The following P4HA3 variants were observed in gnomAD, a reference collection of about 807,000 sequenced individuals.
P4HA3 encodes the protein prolyl 4-hydroxylase subunit alpha 3, also known as prolyl 4-hydroxylase subunit alpha-3.
A neutral mutation model predicts 66.7 loss-of-function variants in P4HA3; 60 were observed. That is an observed-to-expected ratio of 0.90 (90% confidence interval 0.73 to 1.12). The LOEUF is 1.12. P4HA3 is among the 50% of genes most tolerant of loss of function. P4HA3 has a pLI of 0.00. For missense variants in P4HA3, 683 were observed against 685.8 expected (o/e 1.00, Z 0.05); for synonymous variants, 263 against 274.6 (o/e 0.96, Z 0.42).
chr11:74,309,957 G>A (rs912373368), intron 1 of P4HA3, among the ~76,000 whole-genome samples: 1 of 152,150 alleles, frequency 6.6e-6, no homozygotes, highest in African/African-American at 2.4e-5. Context: ...CAATGGGTTT[G>A]GGGGTCACAC....
At chr11:74,263,371 G>C (rs1344997560), downstream of P4HA3, among the ~76,000 whole-genome samples, 2 of 152,224 alleles carry the variant, frequency 1.3e-5, no homozygotes, top group African/African-American at 2.4e-5. Flanking sequence ...TCAATACCTG[G>C]GAAAATGTTG....
chr11:74,306,598 G>A (rs1265226346), intron 1 of P4HA3, among the ~76,000 whole-genome samples: 1 of 152,158 alleles, frequency 6.6e-6, no homozygotes, highest in African/African-American at 2.4e-5. Flanking sequence ...GGCAAGAGTG[G>A]GCGACTTCTG....
chr11:74,268,301 C>T, intron 11 of P4HA3, 60 bp from the exon 12 acceptor site: 1 of 1,373,042 alleles, frequency 7.3e-7, no homozygotes. Flanking sequence ...CCTCGGGAAG[C>T]ACATACTAAG....
intron 4 of P4HA3, 74 bp from the exon 5 acceptor site, chr11:74,289,204 T>TAAA (rs11419151): frequency 1.7e-4 from 148 of 875,398 alleles, no homozygotes; most frequent in South Asian, 4.8e-4. Context: ...ACCATTAAAT[T>TAAA]AAAAAAAAAA....
chr11:74,310,785 A>G (rs1258917222), intron 1 of P4HA3, among the ~76,000 whole-genome samples: 1 of 152,224 alleles, frequency 6.6e-6, no homozygotes, highest in Admixed American at 6.5e-5. Context: ...TGTCGTGCCC[A>G]TCCAGTCCCA....
intron 4 of P4HA3, among the ~76,000 whole-genome samples, chr11:74,295,684 CAT>C (rs1408670540): frequency 1.3e-5 from 2 of 152,168 alleles, no homozygotes; most frequent in Non-Finnish European, 2.9e-5. Context: ...GATGTCATCA[CAT>C]AGTCTTCACA....
chr11:74,285,191 G>C (rs2134762507), intron 7 of P4HA3, among the ~76,000 whole-genome samples: 1 of 152,088 alleles, frequency 6.6e-6, no homozygotes, highest in African/African-American at 2.4e-5. Context: ...TGAAACCACA[G>C]AAAGTAAAAT....
At chr11:74,268,856 G>A (rs546952363) in intron 11 of P4HA3, among the ~76,000 whole-genome samples, 44 of 152,240 alleles carry the variant, frequency 2.9e-4, no homozygotes, top group Admixed American at 7.8e-4. Context: ...CTTCTTTGCC[G>A]TATCTACTTC....
intron 3 of P4HA3, among the ~76,000 whole-genome samples, chr11:74,300,608 T>G (rs1861376953): frequency 6.6e-6 from 1 of 152,154 alleles, no homozygotes; most frequent in Admixed American, 6.5e-5. Flanking sequence ...TGCACTTACT[T>G]GGATGGCAGA....
chr11:74,273,612 GAAA>G lies in P4HA3; in HGVS notation c.1336-8_1336-6del. ...GTAGAGGGGGCTGCTTGGTGACTGA[GAAA>G]AAAAAAAACAGAACATATTATTTTA... On this transcript the variant is annotated splice_region_variant and splice_polypyrimidine_tract_variant and intron_variant, in intron 9 of 12. Coordinates refer to ENST00000331597, the MANE Select transcript of P4HA3 (RefSeq NM_182904.5). 1 of 1,272,856 alleles carries G rather than the reference GAAA, an allele frequency of 7.9e-7. No individual in the cohort carries two copies. Among genetic ancestry groups the G allele is most frequent in the Non-Finnish European group, 1.1e-6 (1 of 950,286 alleles). The allele number at this position is 1,272,856 out of a possible 1,614,324, so 78.8% of individuals were successfully genotyped here. A position where few individuals can be genotyped will look rare whatever the true frequency, so the allele number is the denominator to read the frequency against.
At chr11:74,273,001 T>C (rs1476814261) in intron 10 of P4HA3, among the ~76,000 whole-genome samples, 1 of 151,850 alleles carries the variant, frequency 6.6e-6, no homozygotes, top group Non-Finnish European at 1.5e-5. Flanking sequence ...GAAAGGGGAG[T>C]CATGGAGATT....
At chr11:74,278,684 T>G (rs2134745528) in intron 8 of P4HA3, among the ~76,000 whole-genome samples, 1 of 152,280 alleles carries the variant, frequency 6.6e-6, no homozygotes, top group East Asian at 1.9e-4. Context: ...ATAGGGACCT[T>G]CCATAGGTTA....
intron 14 of P4HA3, among the ~76,000 whole-genome samples, chr11:74,261,063 G>A (rs560220673): frequency 1.1e-4 from 16 of 152,260 alleles, no homozygotes; most frequent in Admixed American, 5.9e-4. Context: ...GCTTGTACCC[G>A]CATTCAGGGG....
At chr11:74,298,065 G>A in intron 4 of P4HA3, 147 bp downstream of exon 4, 1 of 936,904 alleles carries the variant, frequency 1.1e-6, no homozygotes, top group Non-Finnish European at 1.5e-6. Context: ...ATATGGAAAT[G>A]ATAAAATAAC....
chr11:74,283,898 T>C (rs958408463), intron 7 of P4HA3, among the ~76,000 whole-genome samples: 9 of 151,496 alleles, frequency 5.9e-5, no homozygotes, highest in Non-Finnish European at 1.2e-4. Context: ...CACAACTCTC[T>C]GCCCACACCT....
At chr11:74,264,555 G>A (rs1859959355), downstream of P4HA3, among the ~76,000 whole-genome samples, 1 of 152,058 alleles carries the variant, frequency 6.6e-6, no homozygotes, top group Admixed American at 6.5e-5. Flanking sequence ...CCATTTCTAG[G>A]GGCAGGGTCA....
In P4HA3 at chr11:74,311,622, C is replaced by G. The variant is rs1297537337; in HGVS notation, c.-11G>C. The G allele has an allele frequency of 1.3e-6, 2 of 1,488,910 alleles. No individual in the cohort carries two copies. The highest frequency in any genetic ancestry group is 1.5e-5 in the African/African-American group (1 of 68,546). The allele number at this position is 1,488,910 out of a possible 1,614,324, so 92.2% of individuals were successfully genotyped here. On this transcript the variant is annotated 5_prime_UTR_variant, in exon 1 of 13. Transcript: ENST00000331597. ...CGCCCCAGGACCCATAGCCAGCGCTCGCGAACTTCCCCTCAGACAGTCCTG... is the reference window on the plus strand; with the variant it reads ...CGCCCCAGGACCCATAGCCAGCGCTGGCGAACTTCCCCTCAGACAGTCCTG...
At chr11:74,273,863 T>C (rs1860295261) in intron 9 of P4HA3, among the ~76,000 whole-genome samples, 2 of 152,140 alleles carry the variant, frequency 1.3e-5, no homozygotes, top group South Asian at 2.1e-4. Context: ...GTAGTGAAAG[T>C]ACTATATGAG....
intron 4 of P4HA3, among the ~76,000 whole-genome samples, chr11:74,294,718 C>G (rs1861155433): frequency 6.6e-6 from 1 of 152,132 alleles, no homozygotes; most frequent in Non-Finnish European, 1.5e-5. Flanking sequence ...CACTCCAGAC[C>G]CTGTTTGCCT....
Sources: allele counts gnomAD v4.1 joint callset (sites outside exome capture counted in the v4.1 genomes callset), GRCh38; gene constraint gnomAD v4.1.1; transcripts MANE v1.5; gene names NCBI Gene and HGNC (gene_info 2026-07-23, HGNC 2026-07-21).